Variants in MRAP2 observed in about 807,000 individuals in gnomAD.
MRAP2 encodes melanocortin 2 receptor accessory protein 2.
A neutral mutation model predicts 17.4 loss-of-function variants in MRAP2; 20 were observed. That is an observed-to-expected ratio of 1.15 (90% confidence interval 0.81 to 1.67). MRAP2 has a LOEUF of 1.67. Ranked by LOEUF, MRAP2 falls within the 40% of genes most tolerant of loss-of-function variation. The probability of loss-of-function intolerance (pLI) is 0.00; values close to 1 mark genes in which losing one functional copy is unlikely to be tolerated. For synonymous variants in MRAP2, 96 were observed against 88.4 expected (o/e 1.09, Z -0.48); for missense variants, 238 against 240.0 (o/e 0.99, Z 0.05).
intron 3 of MRAP2, among the ~76,000 whole-genome samples, chr6:84,064,487 G>GTTT (rs35861298): frequency 1.0e-3 from 156 of 151,588 alleles, no homozygotes; most frequent in African/African-American, 3.7e-3. Flanking sequence ...GTTTTGTTTT[G>GTTT]TTTTTTTGTT....
chr6:84,048,273 C>T (rs2099489546), intron 1 of MRAP2, among the ~76,000 whole-genome samples: 1 of 152,134 alleles, frequency 6.6e-6, no homozygotes, highest in African/African-American at 2.4e-5. Flanking sequence ...ATACCCTCAC[C>T]AACACTTATT....
the MRAP2 span, among the ~76,000 whole-genome samples, chr6:84,096,357 A>G: frequency 6.6e-6 from 1 of 152,144 alleles, no homozygotes; most frequent in Non-Finnish European, 1.5e-5. Context: ...ACAAATGTTA[A>G]AAATTTAACA....
At chr6:84,134,923 C>T in the MRAP2 span, among the ~76,000 whole-genome samples, 5,806 of 27,814 alleles carry the variant, frequency 0.21, 129 homozygotes, top group South Asian at 0.37. Flanking sequence ...CATATATACA[C>T]ACACACACAC....
chr6:84,135,855 C>G, the MRAP2 span, among the ~76,000 whole-genome samples: 3 of 152,196 alleles, frequency 2.0e-5, no homozygotes, highest in Admixed American at 6.5e-5. Context: ...AACAGTAAGA[C>G]TGTCTCAAAA....
the MRAP2 span, among the ~76,000 whole-genome samples, chr6:84,099,719 G>C: frequency 6.6e-6 from 1 of 152,154 alleles, no homozygotes; most frequent in Non-Finnish European, 1.5e-5. Context: ...AGCAGATGCT[G>C]GTGCCACACT....
At chr6:84,095,763 G>A (rs1357622093), downstream of MRAP2, among the ~76,000 whole-genome samples, 1 of 152,208 alleles carries the variant, frequency 6.6e-6, no homozygotes, top group Non-Finnish European at 1.5e-5. Context: ...TGAGAGAGGC[G>A]ACTTCAGGCA....
At chr6:84,062,491 T>C in intron 2 of MRAP2, 1 of 958,516 alleles carries the variant, frequency 1.0e-6, no homozygotes, top group African/African-American at 1.8e-5. Flanking sequence ...TAAATTTAAT[T>C]TGTCTAAAGT....
At position 84,089,781 on chromosome 6, in the gene MRAP2, A is replaced by G. The variant is rs190814504; in HGVS notation, c.*300A>G. Reference sequence around the variant, plus strand: ...GACAGCTTTGAATGTGGCCCAATACAAATTTTAAACTTTATTAAAACATGA... The same window carrying G: ...GACAGCTTTGAATGTGGCCCAATACGAATTTTAAACTTTATTAAAACATGA... On this transcript the variant is annotated 3_prime_UTR_variant, in exon 4 of 4. Coordinates refer to ENST00000257776, the MANE Select transcript of MRAP2 (RefSeq NM_138409.4). 3.4e-5 allele frequency: 10 copies of G among 297,800 alleles called. No individual in the cohort carries two copies. The East Asian group carries it at 4.4e-4, about 13-fold the overall frequency. The allele number at this position is 297,800 out of a possible 1,614,324, so 18.4% of individuals were successfully genotyped here.
intron 2 of MRAP2, among the ~76,000 whole-genome samples, chr6:84,060,311 G>T (rs1284794469): frequency 6.6e-6 from 1 of 152,098 alleles, no homozygotes; most frequent in Non-Finnish European, 1.5e-5. Flanking sequence ...GCTGCTTTTT[G>T]ATTATCTCCC....
the MRAP2 span, among the ~76,000 whole-genome samples, chr6:84,131,214 G>A: frequency 6.6e-6 from 1 of 152,300 alleles, no homozygotes; most frequent in Non-Finnish European, 1.5e-5. Context: ...ACTGTGGTCT[G>A]AGAGACTGTT....
chr6:84,108,979 T>G, the MRAP2 span, among the ~76,000 whole-genome samples: 8 of 152,150 alleles, frequency 5.3e-5, no homozygotes, highest in Non-Finnish European at 1.0e-4. Context: ...ATCAGATGGT[T>G]GTAGATGTGT....
the MRAP2 span, among the ~76,000 whole-genome samples, chr6:84,105,539 C>G: frequency 2.0e-5 from 3 of 152,134 alleles, no homozygotes; most frequent in East Asian, 5.8e-4. Flanking sequence ...CCCACTGGGT[C>G]CCTCCCGAAA....
At chr6:84,129,704 T>C in the MRAP2 span, among the ~76,000 whole-genome samples, 1 of 152,202 alleles carries the variant, frequency 6.6e-6, no homozygotes, top group Non-Finnish European at 1.5e-5. Flanking sequence ...TTGGCTTTTG[T>C]TGCCACTGCT....
At chr6:84,046,976 CA>C (rs2099489212) in intron 1 of MRAP2, among the ~76,000 whole-genome samples, 1 of 151,514 alleles carries the variant, frequency 6.6e-6, no homozygotes, top group South Asian at 2.1e-4. Context: ...AGGGAATCCC[CA>C]CAGGGCTGCT....
At chr6:84,074,004 G>A (rs886832171) in intron 3 of MRAP2, among the ~76,000 whole-genome samples, 2 of 151,612 alleles carry the variant, frequency 1.3e-5, no homozygotes, top group Non-Finnish European at 2.9e-5. Context: ...GGACATCCCT[G>A]TTGTAAACAC....
chr6:84,064,654 C>A lies in MRAP2; in HGVS notation c.227+1662C>A, dbSNP rs182013541. Among the ~76,000 whole-genome samples the A allele has an allele frequency of 2.5e-3, 384 of 152,140 alleles. 2 individuals are homozygous for A. Among genetic ancestry groups the A allele is most frequent in the East Asian group, 0.019 (98 of 5,138 alleles). On this transcript the variant is annotated intron_variant, in intron 3 of 3. Transcript: ENST00000257776. ...AGGCACCCACCACCACGCCCAGCTA[C>A]TTTTTTGTATTTTTAGTAGAGACAG... is the stretch of plus-strand genomic sequence containing the variant.
chr6:84,082,625 G>A (rs189655866), intron 3 of MRAP2, among the ~76,000 whole-genome samples: 10 of 152,244 alleles, frequency 6.6e-5, no homozygotes, highest in African/African-American at 2.2e-4. Flanking sequence ...CTGCTTACCA[G>A]TAGAGAAGGG....
chr6:84,051,493 G>A (rs2099490404), intron 1 of MRAP2, among the ~76,000 whole-genome samples: 1 of 152,188 alleles, frequency 6.6e-6, no homozygotes, highest in African/African-American at 2.4e-5. Context: ...GGAGGCAGAG[G>A]TGGCAGTGAG....
the MRAP2 span, among the ~76,000 whole-genome samples, chr6:84,136,988 A>G: frequency 3.3e-5 from 5 of 152,070 alleles, no homozygotes; most frequent in Admixed American, 6.6e-5. Context: ...GACCATGCTG[A>G]CTCTTGTAAC....
Sources: gnomAD v4.1 joint callset for allele counts (sites outside exome capture counted in the v4.1 genomes callset) on GRCh38, gnomAD v4.1.1 for gene constraint, MANE v1.5 for transcripts, NCBI Gene and HGNC (gene_info 2026-07-23, HGNC 2026-07-21) for gene names.